The following TEX11 variants were observed in gnomAD, a reference collection of about 807,000 sequenced individuals.
The protein encoded by TEX11 is testis expressed 11, also known as testis-expressed protein 11.
In TEX11, 7 loss-of-function variants were observed where a neutral mutation model predicts 84.4. That is an observed-to-expected ratio of 0.08 (90% confidence interval 0.05 to 0.16). The LOEUF (loss-of-function observed/expected upper bound fraction) is 0.16. Ranked by LOEUF, TEX11 falls within the 10% of genes least tolerant of loss-of-function variation. The pLI is 1.00. For missense variants in TEX11, 551 were observed against 660.5 expected (o/e 0.83, Z 1.82); for synonymous variants, 264 against 222.8 (o/e 1.18, Z -1.64).
chrX:70,594,751 C>T (rs2088981945), intron 24 of TEX11, among the ~76,000 whole-genome samples: 1 of 110,847 alleles, frequency 9.0e-6, no homozygotes, highest in African/African-American at 3.3e-5. Context: ...ATGCTATTCT[C>T]GTGATAGTAA....
At chrX:70,621,577 T>TATATAA (rs1555999847) in intron 20 of TEX11, among the ~76,000 whole-genome samples, 21 of 56,579 alleles carry the variant, frequency 3.7e-4, no homozygotes, top group African/African-American at 1.6e-3. Flanking sequence ...TATATATATA[T>TATATAA]AAATAAAAAT....
intron 9 of TEX11, among the ~76,000 whole-genome samples, chrX:70,782,347 C>T (rs920414866): frequency 2.2e-4 from 25 of 111,197 alleles, no homozygotes; most frequent in African/African-American, 7.5e-4. Context: ...ACAACTGGTA[C>T]CAGCCACTGC....
chrX:70,823,090 A>C (rs760164296), intron 8 of TEX11, among the ~76,000 whole-genome samples: 1 of 111,421 alleles, frequency 9.0e-6, no homozygotes, highest in Non-Finnish European at 1.9e-5. Flanking sequence ...AAATTGTCTC[A>C]TTTGAAACTA....
chrX:70,712,724 T>C (rs2090450015), intron 13 of TEX11, among the ~76,000 whole-genome samples: 1 of 111,087 alleles, frequency 9.0e-6, no homozygotes, highest in Admixed American at 9.6e-5. Context: ...TATACAATCA[T>C]GTCATCTGCA....
rs758465589 is a variant in TEX11, at chrX:70,907,785, T to C, written c.5A>G (p.Asp2Gly). 1 of 1,183,361 alleles carries C rather than the reference T, an allele frequency of 8.5e-7. No individual in the cohort carries two copies. Among genetic ancestry groups the C allele is most frequent in the South Asian group, 1.8e-5 (1 of 56,298 alleles). M[D>G]NDDFFSMDFK... is the part of the protein sequence containing the mutation. Reference sequence around the variant, plus strand: ...GTCCATGGAAAAAAAATCATCATTGTCCATTTTTAAATCTCTGGCTCAAGC... The same window carrying C: ...GTCCATGGAAAAAAAATCATCATTGCCCATTTTTAAATCTCTGGCTCAAGC... The change falls in exon 2 of 30, where the codon GAC becomes GGC. Residue 2 changes from aspartate to glycine, a missense_variant. Transcript: ENST00000374333.
At chrX:70,862,014 T>A (rs2091573074) in intron 4 of TEX11, among the ~76,000 whole-genome samples, 1 of 109,042 alleles carries the variant, frequency 9.2e-6, no homozygotes, top group Non-Finnish European at 1.9e-5. Context: ...AGAGAGGGGG[T>A]CTCGCTCTGT....
intron 9 of TEX11, among the ~76,000 whole-genome samples, chrX:70,782,932 G>A (rs770350073): frequency 9.0e-6 from 1 of 110,980 alleles, no homozygotes; most frequent in East Asian, 2.8e-4. Flanking sequence ...AAGACAGATG[G>A]TTAACAAGGA....
intron 13 of TEX11, among the ~76,000 whole-genome samples, chrX:70,701,660 T>C (rs770769174): frequency 2.5e-4 from 28 of 112,493 alleles, no homozygotes; most frequent in Non-Finnish European, 4.1e-4. Flanking sequence ...GCTGCATAGA[T>C]AGTTATTCCT....
intron 17 of TEX11, among the ~76,000 whole-genome samples, chrX:70,644,863 G>A (rs1460415918): frequency 4.8e-5 from 5 of 103,514 alleles, no homozygotes; most frequent in Non-Finnish European, 5.9e-5. Context: ...CATGGCACAT[G>A]TATACATATG....
rs1361173365 is a variant in TEX11, at chrX:70,643,168, C to A, written c.1483+8282G>T. Among the ~76,000 whole-genome samples, 3 of 92,658 alleles carry A rather than the reference C, an allele frequency of 3.2e-5. No homozygotes were observed. The Admixed American group carries it at 3.7e-4, about 12-fold the overall frequency. 80.5% of individuals were successfully genotyped at this position (92,658 alleles called of 115,157 possible). A position where few individuals can be genotyped will look rare whatever the true frequency, so the allele number is the denominator to read the frequency against. Reference sequence around the variant, plus strand: ...CAAATCATGAGTGAACTCCCATTCACAATTGCTTCAAAGAGAATAAAATAC... The same window carrying A: ...CAAATCATGAGTGAACTCCCATTCAAAATTGCTTCAAAGAGAATAAAATAC... On this transcript the variant is annotated intron_variant, in intron 17 of 29. Transcript: ENST00000374333.
rs1292566190 is a variant in TEX11, at chrX:70,908,687, T to C, written c.-55A>G. ...CAGCCACCAATGCCGCCCTGCTCTC[T>C]CCACAACCTCCGTCCACAGCGCACG... On this transcript the variant is annotated 5_prime_UTR_variant, in exon 1 of 30. Coordinates refer to ENST00000374333, the MANE Select transcript of TEX11 (RefSeq NM_031276.3). 2 of 111,672 alleles carry C rather than the reference T, an allele frequency of 1.8e-5. No individual in the cohort carries two copies. The highest frequency in any genetic ancestry group is 6.5e-5 in the African/African-American group (2 of 30,640). 9.2% of individuals were successfully genotyped at this position (111,672 alleles called of 1,213,427 possible). A position where few individuals can be genotyped will look rare whatever the true frequency, so the allele number is the denominator to read the frequency against.
At chrX:70,649,041 A>T (rs757327401) in intron 17 of TEX11, among the ~76,000 whole-genome samples, 6 of 111,589 alleles carry the variant, frequency 5.4e-5, no homozygotes, top group Non-Finnish European at 1.1e-4. Flanking sequence ...TGCAAAAGAC[A>T]TGATCTTATT....
At position 70,830,390 on chromosome X, in the gene TEX11, A is replaced by G. The variant is rs778704973; in HGVS notation, c.606+3123T>C. Among the ~76,000 whole-genome samples the G allele has an allele frequency of 2.7e-5, 3 of 111,731 alleles. No individual in the cohort carries two copies. In the South Asian group the frequency reaches 1.1e-3, roughly 42 times the overall value. On this transcript the variant is annotated intron_variant, in intron 8 of 29. Coordinates refer to ENST00000374333, the MANE Select transcript of TEX11 (RefSeq NM_031276.3). ...TAAAGCAATTATTAGAGGGAAAGAG[A>G]GAGATAGACCCCTGGTCAATGATTT... is the stretch of plus-strand genomic sequence containing the variant.
At chrX:70,566,740 C>A (rs1252017103) in intron 25 of TEX11, among the ~76,000 whole-genome samples, 1 of 111,603 alleles carries the variant, frequency 9.0e-6, no homozygotes. Context: ...AGCCTTGCAT[C>A]CTAGGGATGA....
chrX:70,655,949 C>T (rs1335159513), intron 16 of TEX11, among the ~76,000 whole-genome samples: 2 of 111,053 alleles, frequency 1.8e-5, no homozygotes, highest in African/African-American at 3.3e-5. Flanking sequence ...TTTAATTCAA[C>T]ATAGTGGTTG....
rs745914169 is a variant in TEX11, at chrX:70,552,823, C to T, written c.2399+483G>A. Among the ~76,000 whole-genome samples the T allele has an allele frequency of 7.8e-4, 87 of 111,458 alleles. 1 individual carries two copies. The highest frequency in any genetic ancestry group is 2.8e-3 in the African/African-American group (86 of 30,756). ...TGTTAACATTTGTTAAATCTGGGTG[C>T]TGCGTGCCTGTAATCCCAGCTACTC... On this transcript the variant is annotated intron_variant, in intron 27 of 29. Transcript: ENST00000374333.
chrX:70,751,536 T>C (rs2090825412), intron 9 of TEX11, among the ~76,000 whole-genome samples: 1 of 105,302 alleles, frequency 9.5e-6, no homozygotes, highest in Non-Finnish European at 2.0e-5. Flanking sequence ...TAATGTTAAA[T>C]GACGAGTTAC....
intron 4 of TEX11, among the ~76,000 whole-genome samples, chrX:70,868,943 G>A (rs964063776): frequency 1.8e-5 from 2 of 108,276 alleles, no homozygotes; most frequent in African/African-American, 6.8e-5. Flanking sequence ...TTAAAACCTA[G>A]ATGACAGGTT....
At chrX:70,780,290 G>T (rs932342418) in intron 9 of TEX11, among the ~76,000 whole-genome samples, 1 of 112,221 alleles carries the variant, frequency 8.9e-6, no homozygotes, top group African/African-American at 3.2e-5. Flanking sequence ...ACAAAAAAAA[G>T]ACAAGACAAG....
Sources: gnomAD v4.1 joint callset for allele counts (sites outside exome capture counted in the v4.1 genomes callset) on GRCh38, gnomAD v4.1.1 for gene constraint, MANE v1.5 for transcripts, NCBI Gene and HGNC (gene_info 2026-07-23, HGNC 2026-07-21) for gene names.